PITPNC1: variants seen among roughly 807,000 people sequenced by gnomAD.
The protein encoded by PITPNC1 is cytoplasmic phosphatidylinositol transfer protein 1.
A neutral mutation model predicts 44.7 loss-of-function variants in PITPNC1; 18 were observed. The observed-to-expected ratio is 0.40, with a 90% CI of 0.28 to 0.60. PITPNC1 has a LOEUF of 0.60. PITPNC1 is among the 20% of genes least tolerant of loss of function. The pLI is 0.39. For synonymous variants in PITPNC1, 141 were observed against 149.6 expected, an observed-to-expected ratio of 0.94 and a Z score of 0.42; for missense variants, 290 against 418.4, an observed-to-expected ratio of 0.69 and a Z score of 2.68.
At chr17:67,552,182 T>G (rs2040774507) in intron 2 of PITPNC1, 75 bp from the exon 3 acceptor site, 1 of 797,036 alleles carries the variant, frequency 1.3e-6, no homozygotes. Flanking sequence ...CTCCAGCATT[T>G]TATCCAGAAA....
At chr17:67,388,369 C>T (rs1173842854) in intron 1 of PITPNC1, among the ~76,000 whole-genome samples, 1 of 150,976 alleles carries the variant, frequency 6.6e-6, no homozygotes, top group Non-Finnish European at 1.5e-5. Flanking sequence ...TCTTGTTGCC[C>T]AGGCTGGAGT....
At chr17:67,555,136 C>T (rs1040129758) in intron 4 of PITPNC1, among the ~76,000 whole-genome samples, 1 of 152,106 alleles carries the variant, frequency 6.6e-6, no homozygotes, top group East Asian at 1.9e-4. Context: ...GCAGGGGAAC[C>T]TTTGCTCTAG....
intron 6 of PITPNC1, among the ~76,000 whole-genome samples, chr17:67,659,396 G>C (rs1180823316): frequency 3.3e-5 from 5 of 152,192 alleles, no homozygotes; most frequent in African/African-American, 1.2e-4. Flanking sequence ...CTGAGACCTG[G>C]TTGAGCATGT....
At chr17:67,585,153 T>TC (rs1192789353) in intron 5 of PITPNC1, among the ~76,000 whole-genome samples, 2 of 146,718 alleles carry the variant, frequency 1.4e-5, no homozygotes, top group Non-Finnish European at 3.0e-5. Context: ...AAACCAGCCC[T>TC]CCATTAATCA....
Position 67,578,180 on chromosome 17 carries a change from CCA to C in PITPNC1, c.295-3_295-2del, listed in dbSNP as rs2041176114. On this transcript the variant is annotated splice_polypyrimidine_tract_variant and splice_region_variant and intron_variant, in intron 4 of 8. Transcript: ENST00000581322. ...ATGCTAATGAAAATTTGCTTTTCTC[CCA>C]CAGTGTTCCTTTCTGCCGAAATTCT... 3 of 1,601,172 alleles carry C rather than the reference CCA, an allele frequency of 1.9e-6. No individual in the cohort carries two copies. The highest frequency in any genetic ancestry group is 2.6e-6 in the Non-Finnish European group (3 of 1,168,520).
chr17:67,574,814 C>T (rs1278924781), intron 4 of PITPNC1, among the ~76,000 whole-genome samples: 1 of 152,036 alleles, frequency 6.6e-6, no homozygotes, highest in Non-Finnish European at 1.5e-5. Flanking sequence ...AACCACCTGC[C>T]GAAGGAGAAA....
At position 67,416,203 on chromosome 17, in the gene PITPNC1, C is replaced by CTTTTTTT. The variant is rs71687631; in HGVS notation, c.48+38020_48+38026dup. Among the ~76,000 whole-genome samples, 84 of 67,624 alleles carry CTTTTTTT rather than the reference C, an allele frequency of 1.2e-3. 10 individuals are homozygous for CTTTTTTT. Among genetic ancestry groups the CTTTTTTT allele is most frequent in the East Asian group, 1.8e-3 (4 of 2,178 alleles). 44.4% of individuals were successfully genotyped at this position (67,624 alleles called of 152,430 possible). On this transcript the variant is annotated intron_variant, in intron 1 of 8. Coordinates refer to ENST00000581322, the MANE Select transcript of PITPNC1 (RefSeq NM_012417.4). ...TCCCTTTCCTTGTTTACATGTATTG[C>CTTTTTTT]TTTTTTTTTTTTTTTTTTTTTTTTT...
chr17:67,602,933 G>C (rs904333302), intron 5 of PITPNC1, among the ~76,000 whole-genome samples: 5 of 152,084 alleles, frequency 3.3e-5, no homozygotes, highest in African/African-American at 1.2e-4. Context: ...TAGAGATGGG[G>C]TTTTGCCATG....
At chr17:67,518,444 T>G (rs2040284464) in intron 1 of PITPNC1, among the ~76,000 whole-genome samples, 1 of 143,338 alleles carries the variant, frequency 7.0e-6, no homozygotes, top group Non-Finnish European at 1.6e-5. Context: ...CCCTACTGAT[T>G]GACTCTTCTG....
At chr17:67,551,630 C>G (rs1224941514) in intron 2 of PITPNC1, among the ~76,000 whole-genome samples, 1 of 152,176 alleles carries the variant, frequency 6.6e-6, no homozygotes, top group Non-Finnish European at 1.5e-5. Flanking sequence ...AGGATGATTT[C>G]ATCTTGTGAT....
At chr17:67,392,213 G>T (rs1474521181) in intron 1 of PITPNC1, among the ~76,000 whole-genome samples, 2 of 152,166 alleles carry the variant, frequency 1.3e-5, no homozygotes, top group Non-Finnish European at 2.9e-5. Context: ...AATTCTTCCG[G>T]TGGAGGTAAG....
intron 5 of PITPNC1, among the ~76,000 whole-genome samples, chr17:67,596,414 G>A (rs1256847849): frequency 6.6e-6 from 1 of 152,114 alleles, no homozygotes; most frequent in Non-Finnish European, 1.5e-5. Context: ...GTGATCCTTG[G>A]TACTCACGGG....
At chr17:67,402,091 G>A (rs1314833297) in intron 1 of PITPNC1, among the ~76,000 whole-genome samples, 1 of 152,182 alleles carries the variant, frequency 6.6e-6, no homozygotes, top group African/African-American at 2.4e-5. Context: ...AAGCCGTAAG[G>A]TCTCTGTTGC....
chr17:67,586,307 T>C (rs1402141065), intron 5 of PITPNC1, among the ~76,000 whole-genome samples: 2 of 151,912 alleles, frequency 1.3e-5, no homozygotes, highest in Non-Finnish European at 2.9e-5. Context: ...ATACTAAAGT[T>C]GGCTGGGTAC....
chr17:67,586,452 G>A (rs1364230927), intron 5 of PITPNC1, among the ~76,000 whole-genome samples: 3 of 148,934 alleles, frequency 2.0e-5, no homozygotes, highest in Non-Finnish European at 4.4e-5. Flanking sequence ...AAAATTAGCT[G>A]GGCGTGGTGG....
intron 1 of PITPNC1, among the ~76,000 whole-genome samples, chr17:67,520,207 C>T (rs781230230): frequency 1.6e-4 from 24 of 152,112 alleles, no homozygotes; most frequent in South Asian, 2.1e-4. Context: ...CCTGGAAAGG[C>T]CTTGCTACCT....
chr17:67,647,838 C>G (rs1326529006), intron 6 of PITPNC1, among the ~76,000 whole-genome samples: 4 of 152,104 alleles, frequency 2.6e-5, no homozygotes, highest in African/African-American at 7.2e-5. Flanking sequence ...TCTCTCAGTT[C>G]TGCTCCACAG....
At chr17:67,557,943 G>A (rs868860548) in intron 4 of PITPNC1, among the ~76,000 whole-genome samples, 4 of 152,132 alleles carry the variant, frequency 2.6e-5, no homozygotes, top group Admixed American at 2.0e-4. Flanking sequence ...TTAGGATCAC[G>A]GTGCCCTTCC....
intron 5 of PITPNC1, among the ~76,000 whole-genome samples, chr17:67,617,173 G>A (rs529492235): frequency 3.9e-5 from 6 of 152,300 alleles, no homozygotes; most frequent in East Asian, 1.9e-4. Flanking sequence ...CTACAGGGAC[G>A]GTCTTAATCT....
Sources: gnomAD v4.1 joint callset for allele counts (sites outside exome capture counted in the v4.1 genomes callset) on GRCh38, gnomAD v4.1.1 for gene constraint, MANE v1.5 for transcripts, NCBI Gene and HGNC (gene_info 2026-07-23, HGNC 2026-07-21) for gene names.